ZFHX3: variants seen among roughly 807,000 people sequenced by gnomAD.
ZFHX3 encodes the protein zinc finger homeobox 3, also known as zinc finger homeobox protein 3.
Under a neutral mutation model 279.1 loss-of-function variants are expected in ZFHX3, and 42 were observed. The observed-to-expected ratio is 0.15, with a 90% CI of 0.12 to 0.19. The LOEUF (loss-of-function observed/expected upper bound fraction) is 0.19, where lower values mean the gene tolerates loss of function less well. ZFHX3 is among the 10% of genes least tolerant of loss of function. ZFHX3 has a pLI of 1.00. For synonymous variants in ZFHX3, 2,293 were observed against 1,957.8 expected (o/e 1.17, Z -4.52); for missense variants, 4,981 against 4,754.0 (o/e 1.05, Z -1.40).
chr16:73,756,605 C>T (rs546607859), intron 1 of ZFHX3, among the ~76,000 whole-genome samples: 2 of 152,228 alleles, frequency 1.3e-5, no homozygotes, highest in Admixed American at 6.5e-5. Flanking sequence ...TGCAACCCCT[C>T]GGCTGCACAA....
chr16:73,796,359 A>C (rs1959987696), intron 1 of ZFHX3: 1 of 152,226 alleles, frequency 6.6e-6, no homozygotes, highest in South Asian at 2.1e-4. Context: ...GCTGGTAGCA[A>C]AGAAATGAAC....
chr16:72,975,753 G>A (rs1962321588), intron 1 of ZFHX3, among the ~76,000 whole-genome samples: 1 of 152,172 alleles, frequency 6.6e-6, no homozygotes, highest in Non-Finnish European at 1.5e-5. Context: ...CCAAGTGACT[G>A]TGGGCAATAA....
chr16:73,213,606 T>A (rs1279641073), intron 5 of ZFHX3, among the ~76,000 whole-genome samples: 1 of 152,162 alleles, frequency 6.6e-6, no homozygotes, highest in African/African-American at 2.4e-5. Context: ...GTCCCCGCAG[T>A]TTGGGGACAT....
chr16:73,668,856 C>T (rs1409410083), intron 2 of ZFHX3, among the ~76,000 whole-genome samples: 2 of 152,114 alleles, frequency 1.3e-5, no homozygotes, highest in Non-Finnish European at 2.9e-5. Flanking sequence ...ATCAAAACCA[C>T]ATCTCATGCC....
chr16:73,856,424 C>A (rs1254495805), intron 1 of ZFHX3, among the ~76,000 whole-genome samples: 1 of 152,178 alleles, frequency 6.6e-6, no homozygotes, highest in African/African-American at 2.4e-5. Context: ...CTCCCCCCAA[C>A]CCCCACCCCT....
At chr16:73,874,259 T>A (rs2029887078) in intron 1 of ZFHX3, among the ~76,000 whole-genome samples, 1 of 152,112 alleles carries the variant, frequency 6.6e-6, no homozygotes, top group Admixed American at 6.5e-5. Context: ...ACGGTAAAAA[T>A]TTATTGCACT....
chr16:73,777,305 CA>C (rs1313384530), intron 1 of ZFHX3, among the ~76,000 whole-genome samples: 2 of 151,902 alleles, frequency 1.3e-5, no homozygotes, highest in Non-Finnish European at 2.9e-5. Flanking sequence ...AGTTCAAGAC[CA>C]GCCCAGCTAA....
intron 2 of ZFHX3, among the ~76,000 whole-genome samples, chr16:73,622,260 G>T (rs1360019271): frequency 1.3e-5 from 2 of 152,130 alleles, no homozygotes; most frequent in Non-Finnish European, 2.9e-5. Flanking sequence ...AGAGTTCTCT[G>T]TAAGAAAGGA....
intron 8 of ZFHX3, among the ~76,000 whole-genome samples, chr16:73,088,827 G>T (rs758474415): frequency 1.3e-5 from 2 of 152,172 alleles, no homozygotes; most frequent in Admixed American, 1.3e-4. Flanking sequence ...ACCTCATAGT[G>T]CTGGCCATGC....
chr16:73,508,102 A>C (rs143333603), intron 2 of ZFHX3, among the ~76,000 whole-genome samples: 1 of 152,196 alleles, frequency 6.6e-6, no homozygotes, highest in African/African-American at 2.4e-5. Flanking sequence ...TCTGCGTGGC[A>C]CTCCAGGAAT....
intron 1 of ZFHX3, among the ~76,000 whole-genome samples, chr16:73,733,042 T>C (rs2053582263): frequency 6.6e-6 from 1 of 152,212 alleles, no homozygotes; most frequent in African/African-American, 2.4e-5. Flanking sequence ...TGATGCTTTT[T>C]TACTGTGTAA....
rs780862705 is a variant in ZFHX3, at chr16:73,321,269, G to C, written c.-1290-2933C>G. On this transcript the variant is annotated intron_variant, in intron 3 of 17. Transcript: ENST00000641206. ...TCCATGTAAGCAGTACAGGGAAGCA[G>C]GATAGCTCAGGAGGCGAGATCCTAA... Among the ~76,000 whole-genome samples the C allele has an allele frequency of 3.6e-4, 55 of 152,250 alleles. 1 individual carries two copies. The highest frequency in any genetic ancestry group is 1.7e-3 in the Admixed American group (26 of 15,296).
intron 1 of ZFHX3, among the ~76,000 whole-genome samples, chr16:73,721,208 G>A (rs558598119): frequency 6.6e-6 from 1 of 151,960 alleles, no homozygotes; most frequent in Non-Finnish European, 1.5e-5. Flanking sequence ...TGCAACTTCC[G>A]CCTCCCGGGT....
intron 5 of ZFHX3, among the ~76,000 whole-genome samples, chr16:73,219,299 C>T (rs543477295): frequency 1.6e-4 from 25 of 152,264 alleles, no homozygotes; most frequent in East Asian, 5.8e-4. Flanking sequence ...GTTTCTAACA[C>T]GCCATGTTAT....
chr16:72,990,318 A>G (rs1344650588), intron 1 of ZFHX3, among the ~76,000 whole-genome samples: 1 of 152,144 alleles, frequency 6.6e-6, no homozygotes, highest in Non-Finnish European at 1.5e-5. Flanking sequence ...TGTACTTGTG[A>G]AGAGAGAGAA....
At chr16:73,265,204 C>T (rs1054995489) in intron 4 of ZFHX3, among the ~76,000 whole-genome samples, 13 of 151,798 alleles carry the variant, frequency 8.6e-5, no homozygotes, top group African/African-American at 3.1e-4. Context: ...CACACATGTG[C>T]AAGTATCTTT....
chr16:73,588,354 G>C (rs2051949297), intron 2 of ZFHX3, among the ~76,000 whole-genome samples: 1 of 152,104 alleles, frequency 6.6e-6, no homozygotes, highest in Non-Finnish European at 1.5e-5. Context: ...TGTCCAAAAA[G>C]CTTGGAGTTT....
At chr16:73,004,156 C>T (rs1368102157) in intron 1 of ZFHX3, among the ~76,000 whole-genome samples, 2 of 79,646 alleles carry the variant, frequency 2.5e-5, no homozygotes, top group African/African-American at 1.3e-4. Flanking sequence ...CATAAAAACA[C>T]GACTTTTTTT....
At chr16:73,389,309 G>A (rs189752413) in intron 3 of ZFHX3, 57 of 152,216 alleles carry the variant, frequency 3.7e-4, no homozygotes, top group African/African-American at 1.2e-3. Flanking sequence ...GAACGGGGTG[G>A]AGTAGCCACA....
Sources: gnomAD v4.1 joint callset for allele counts (sites outside exome capture counted in the v4.1 genomes callset) on GRCh38, gnomAD v4.1.1 for gene constraint, MANE v1.5 for transcripts, NCBI Gene and HGNC (gene_info 2026-07-23, HGNC 2026-07-21) for gene names.